Variants in APC observed in about 807,000 individuals in gnomAD.
APC encodes adenomatous polyposis coli protein.
Under a neutral mutation model 247.0 loss-of-function variants are expected in APC, and 72 were observed. That is an observed-to-expected ratio of 0.29 (90% CI 0.24 to 0.35). APC has a LOEUF of 0.35. APC is among the 10% of genes least tolerant of loss of function. The pLI, the probability that APC is intolerant of heterozygous loss-of-function variation, is 1.00. For missense variants in APC, 3,400 were observed against 3,360.7 expected, an observed-to-expected ratio of 1.01 and a Z score of -0.29; for synonymous variants, 1,254 against 1,162.5, an observed-to-expected ratio of 1.08 and a Z score of -1.60.
chr5:112,843,812 C>T lies in APC; in HGVS notation c.8218C>T (p.Pro2740Ser), dbSNP rs771591963. 1 of 1,614,010 alleles carries T rather than the reference C, an allele frequency of 6.2e-7. No homozygotes were observed. The highest frequency in any genetic ancestry group is 1.3e-5 in the African/African-American group (1 of 74,996). The stretch of plus-strand genomic sequence containing the variant: ...TGACCAAAAAGGAACTGAGATAAAA[C>T]CAGGACAAAATAATCCTGTCCCTGT... ...APDQKGTEIK[P>S]GQNNPVPVSE... Residue 2740 changes from proline (P) to serine (S), a missense_variant, in exon 16 of 16, where the codon CCA becomes TCA. Physicochemically the swap from Pro to Ser is moderately conservative, Grantham distance 74. Coordinates refer to ENST00000257430, the MANE Select transcript of APC (RefSeq NM_000038.6). The surrounding 1 kb of genome is among the most constrained non-coding windows in gnomAD (Gnocchi z 4.8).
intron 1 of APC, among the ~76,000 whole-genome samples, chr5:112,710,607 CT>C (rs1204094174): frequency 6.6e-6 from 1 of 152,134 alleles, no homozygotes; most frequent in African/African-American, 2.4e-5. Flanking sequence ...CTGTTCAACT[CT>C]AGGAGGACGT....
rs1750974299 is a variant in APC at position 112,713,385 on chromosome 5, G to GT, written c.165+5506dup. On this transcript the variant is annotated intron_variant, in intron 1 of 13. Transcript: ENST00000507379. Reference sequence around the variant, plus strand: ...TCACATTCTCCAAAGACAGGTGGAAGTTTGTCCTTTCATCTCTTAATTAGG... The same window carrying GT: ...TCACATTCTCCAAAGACAGGTGGAAGTTTTGTCCTTTCATCTCTTAATTAGG... Among the ~76,000 whole-genome samples the GT allele has an allele frequency of 3.3e-5, 5 of 151,134 alleles. No individual in the cohort carries two copies. The South Asian group carries it at 1.0e-3, about 31-fold the overall frequency.
chr5:112,815,745 G>C, intron 9 of APC, 152 bp downstream of exon 9: 3 of 584,642 alleles, frequency 5.1e-6, no homozygotes, highest in Non-Finnish European at 9.5e-6. Flanking sequence ...AGACCAGCCT[G>C]GGCAACGTGG....
intron 7 of APC, among the ~76,000 whole-genome samples, chr5:112,798,057 A>G (rs908596830): frequency 1.3e-5 from 2 of 152,180 alleles, no homozygotes; most frequent in Non-Finnish European, 2.9e-5. Context: ...TGACTCAGCA[A>G]TCTTACTCCT....
rs1489642564 is a variant in APC, at chr5:112,844,956, G to C, written c.*830G>C. ...CAACAGAAACTAAATGAACATTTCA[G>C]AATAAATTATTGCTGTATGTAAACT... On this transcript the variant is annotated 3_prime_UTR_variant, in exon 16 of 16. Transcript: ENST00000257430. The C allele has an allele frequency of 8.6e-6, 2 of 232,404 alleles. No individual in the cohort carries two copies. The highest frequency in any genetic ancestry group is 1.7e-5 in the Non-Finnish European group (2 of 117,374). The allele number at this position is 232,404 out of a possible 1,614,324, so 14.4% of individuals were successfully genotyped here. A position where few individuals can be genotyped will look rare whatever the true frequency, so the allele number is the denominator to read the frequency against.
At chr5:112,822,032 G>A (rs1478800865) in intron 11 of APC, 41 bp downstream of exon 11, 8 of 1,292,912 alleles carry the variant, frequency 6.2e-6, no homozygotes, top group Admixed American at 3.5e-5. Flanking sequence ...ACAATTACTG[G>A]TGGATTTTTA....
chr5:112,738,137 GGAA>G (rs1752545942), intron 1 of APC, among the ~76,000 whole-genome samples: 1 of 152,158 alleles, frequency 6.6e-6, no homozygotes, highest in African/African-American at 2.4e-5. Context: ...TGACAGAAGA[GGAA>G]GAAGGGGGAG....
At chr5:112,761,079 G>A (rs1422148497) in intron 2 of APC, among the ~76,000 whole-genome samples, 2 of 152,182 alleles carry the variant, frequency 1.3e-5, no homozygotes, top group East Asian at 1.9e-4. Context: ...AAAGTGCTGA[G>A]ATTACAGGTG....
chr5:112,820,604 T>C (rs546586919), intron 10 of APC, among the ~76,000 whole-genome samples: 35 of 152,320 alleles, frequency 2.3e-4, no homozygotes, highest in African/African-American at 8.2e-4. Flanking sequence ...ATTGTTTCTT[T>C]GGCTATCCAC....
Position 112,843,573 on chromosome 5 carries a change from G to T in APC, c.7979G>T (p.Arg2660Ile), listed in dbSNP as rs775012353. 6.2e-7 allele frequency: 1 copy of T among 1,613,982 alleles called. No individual in the cohort carries two copies. The highest frequency in any genetic ancestry group is 1.7e-5 in the Admixed American group (1 of 60,018). Residue 2660 changes from arginine to isoleucine, a missense_variant, in exon 16 of 16, where the codon AGA becomes ATA. Transcript: ENST00000257430. This position sits in a 1 kb window ranked among gnomAD's most constrained non-coding sequence, Gnocchi z 4.8. ...TCTAAAACAGAGGATGTTTGGGTGAGAATTGAGGACTGTCCCATTAACAAT... is the reference window on the plus strand; with the variant it reads ...TCTAAAACAGAGGATGTTTGGGTGATAATTGAGGACTGTCCCATTAACAAT... ...AVSKTEDVWV[R>I]IEDCPINNPR...
intron 1 of APC, among the ~76,000 whole-genome samples, chr5:112,732,301 CCTGG>C (rs1307233274): frequency 2.0e-5 from 3 of 152,080 alleles, no homozygotes; most frequent in Non-Finnish European, 4.4e-5. Context: ...GTTTCTCATC[CCTGG>C]CAGCACATAC....
chr5:112,807,260 G>A (rs1415188887), intron 8 of APC, among the ~76,000 whole-genome samples: 1 of 152,090 alleles, frequency 6.6e-6, no homozygotes, highest in East Asian at 1.9e-4. Flanking sequence ...GGCAATTACA[G>A]TTTGACAGTT....
rs1580644170 is a variant in APC, at chr5:112,839,708, C to T, written c.4114C>T (p.Pro1372Ser). 2 of 1,614,096 alleles carry T rather than the reference C, an allele frequency of 1.2e-6. No homozygotes were observed. The highest frequency in any genetic ancestry group is 1.6e-4 in the Middle Eastern group (1 of 6,062). The change falls in exon 16 of 16, where the codon CCA becomes TCA. Residue 1372 changes from proline to serine, a missense_variant. Pro to Ser is a moderately conservative substitution (Grantham distance 74). Coordinates refer to ENST00000257430, the MANE Select transcript of APC (RefSeq NM_000038.6). This position sits in a 1 kb window ranked among gnomAD's most constrained non-coding sequence, Gnocchi z 5.0. ...SKSGAQTPKS[P>S]PEHYVQETPL... ...AAGTGGTGCTCAGACACCCAAAAGT[C>T]CACCTGAACACTATGTTCAGGAGAC...
At position 112,707,620 on chromosome 5, in the gene APC, G is replaced by T; in HGVS notation, c.-98G>T. 1 of 1,283,042 alleles carries T rather than the reference G, an allele frequency of 7.8e-7. No individual in the cohort carries two copies. The highest frequency in any genetic ancestry group is 1.0e-6 in the Non-Finnish European group (1 of 964,930). 79.5% of individuals were successfully genotyped at this position (1,283,042 alleles called of 1,614,324 possible). A position where few individuals can be genotyped will look rare whatever the true frequency, so the allele number is the denominator to read the frequency against. ...CTGCGGGCTCAGGCCCGGGAGCTGC[G>T]GACCGAGGTTGGCTCGATGCTGTTC... On this transcript the variant is annotated 5_prime_UTR_variant, in exon 1 of 14. Transcript: ENST00000507379.
In APC at chr5:112,843,458, C is replaced by A. The variant is rs1060503330; in HGVS notation, c.7864C>A (p.Pro2622Thr). ...WRKIKENEFS[P>T]TNSTSQTVSS... ...AAAAATAAAAGAAAATGAATTTTCTCCCACAAATAGTACTTCTCAGACCGT... is the reference window on the plus strand; with the variant it reads ...AAAAATAAAAGAAAATGAATTTTCTACCACAAATAGTACTTCTCAGACCGT... The change falls in exon 16 of 16, where the codon CCC (proline) becomes ACC (threonine). Residue 2622 changes from proline to threonine, a missense_variant. Pro to Thr is a conservative substitution (Grantham distance 38). Coordinates refer to ENST00000257430, the MANE Select transcript of APC (RefSeq NM_000038.6). This position sits in a 1 kb window ranked among gnomAD's most constrained non-coding sequence, Gnocchi z 4.8. 2 of 1,613,810 alleles carry A rather than the reference C, an allele frequency of 1.2e-6. No individual in the cohort carries two copies. The highest frequency in any genetic ancestry group is 3.3e-5 in the Admixed American group (2 of 60,008).
chr5:112,776,767 G>A (rs1757695943), intron 5 of APC, among the ~76,000 whole-genome samples: 2 of 152,006 alleles, frequency 1.3e-5, no homozygotes, highest in African/African-American at 4.8e-5. Context: ...CTTGAACCTG[G>A]GAGGCAGAGG....
rs864622102 is a variant in APC at position 112,842,180 on chromosome 5, A to C, written c.6586A>C (p.Lys2196Gln). Residue 2196 changes from lysine to glutamine, a missense_variant, in exon 16 of 16, where the codon AAA becomes CAA. Around this residue, in one of 9 missense-constraint regions of APC, gnomAD observed 1,788 missense variants for 1,649.5 expected, o/e 1.08. Coordinates refer to ENST00000257430, the MANE Select transcript of APC (RefSeq NM_000038.6). ...KGIKGGKKVY[K>Q]SLITGKVRSN... ...AATCAAAGGAGGAAAAAAAGTTTAT[A>C]AAAGTTTGATTACTGGAAAAGTTCG... The C allele has an allele frequency of 1.9e-6, 3 of 1,613,022 alleles. No homozygotes were observed. Among genetic ancestry groups the C allele is most frequent in the Non-Finnish European group, 2.5e-6 (3 of 1,179,214 alleles).
chr5:112,783,203 G>A (rs773123819), intron 6 of APC, among the ~76,000 whole-genome samples: 2 of 152,102 alleles, frequency 1.3e-5, no homozygotes, highest in Non-Finnish European at 2.9e-5. Flanking sequence ...TTATATCCCT[G>A]AGGAGAGGTT....
At position 112,782,244 on chromosome 5, in the gene APC, C is replaced by T. The variant is rs111935853; in HGVS notation, c.645+1341C>T. Among the ~76,000 whole-genome samples the T allele has an allele frequency of 4.8e-3, 736 of 152,160 alleles. 7 individuals are homozygous for T. The highest frequency in any genetic ancestry group is 0.017 in the African/African-American group (697 of 41,520). On this transcript the variant is annotated intron_variant, in intron 6 of 15. Transcript: ENST00000257430. ...TCCCATTTTTAAAACCATCAGATCT[C>T]GTGAGAATTATTTACTATCACAAGA...
Sources: allele counts gnomAD v4.1 joint callset (sites outside exome capture counted in the v4.1 genomes callset), GRCh38; gene constraint gnomAD v4.1.1; regional missense constraint gnomAD v4.1.1; non-coding constraint Gnocchi (gnomAD v3.1); transcripts MANE v1.5; gene names NCBI Gene and HGNC (gene_info 2026-07-23, HGNC 2026-07-21).